XG: variants seen among roughly 807,000 people sequenced by gnomAD.
XG encodes the protein glycoprotein Xg.
XG carries 24 observed loss-of-function variants against 25.7 expected under a neutral mutation model. The ratio of observed to expected loss-of-function variants is 0.93; its 90% CI spans 0.68 to 1.31. XG has a LOEUF of 1.31. Among genes scored for constraint, XG ranks in the 40% most tolerant of loss-of-function variants. The pLI is 0.00. For synonymous variants in XG, 77 were observed against 69.2 expected, an observed-to-expected ratio of 1.11 and a Z score of -0.56; for missense variants, 181 against 187.6, an observed-to-expected ratio of 0.96 and a Z score of 0.21.
chrX:2,755,059 C>G (rs1395923856), intron 1 of XG, among the ~76,000 whole-genome samples: 1 of 152,170 alleles, frequency 6.6e-6, no homozygotes, highest in Non-Finnish European at 1.5e-5. Context: ...GAGCATCCCG[C>G]TCTATCCCAA....
At chrX:2,765,265 C>T (rs1267586184) in intron 1 of XG, among the ~76,000 whole-genome samples, 3 of 151,174 alleles carry the variant, frequency 2.0e-5, no homozygotes, top group South Asian at 2.1e-4. Context: ...GCGGGAGAAT[C>T]AATTGAACCT....
In XG at chrX:2,758,874, C is replaced by A. The variant is rs311115; in HGVS notation, c.61+6539C>A. On this transcript the variant is annotated intron_variant, in intron 1 of 10. Transcript: ENST00000644266. The stretch of plus-strand genomic sequence containing the variant: ...TATCTATCGTCTACCATTATCCATC[C>A]ACCTATCTGTCTCTATTATATACAC... Among the ~76,000 whole-genome samples, 534 of 152,246 alleles carry A rather than the reference C, an allele frequency of 3.5e-3. 1 individual carries two copies. The highest frequency in any genetic ancestry group is 5.1e-3 in the Non-Finnish European group (346 of 68,012).
intron 6 of XG, among the ~76,000 whole-genome samples, chrX:2,796,178 CATATGT>C (rs1194142871): frequency 2.9e-5 from 3 of 103,927 alleles, no homozygotes; most frequent in Admixed American, 1.1e-4. Flanking sequence ...TTTATATATG[CATATGT>C]ATATGTCTTT....
intron 1 of XG, among the ~76,000 whole-genome samples, chrX:2,767,094 C>T (rs114316318): frequency 0.06 from 9,153 of 151,850 alleles, 758 homozygotes; most frequent in African/African-American, 0.21. Flanking sequence ...CTGCACTTGG[C>T]GGTATTGTTT....
chrX:2,805,705 G>T (rs998584197), intron 7 of XG, among the ~76,000 whole-genome samples: 2 of 111,878 alleles, frequency 1.8e-5, no homozygotes, highest in Admixed American at 1.9e-4. Context: ...GTCCTCACAG[G>T]GTCGTCCCTC....
At chrX:2,803,404 G>A (rs1470394537) in intron 7 of XG, among the ~76,000 whole-genome samples, 1 of 111,671 alleles carries the variant, frequency 9.0e-6, no homozygotes, top group African/African-American at 3.3e-5. Flanking sequence ...AAACAGGGCC[G>A]ATTTATCAAG....
intron 3 of XG, among the ~76,000 whole-genome samples, chrX:2,778,775 C>CT (rs1177625639): frequency 1.5e-3 from 212 of 140,108 alleles, no homozygotes; most frequent in East Asian, 3.7e-3. Context: ...TCATGCGATA[C>CT]TTTTTTTTTT....
intron 10 of XG, among the ~76,000 whole-genome samples, chrX:2,812,135 C>G (rs1325838607): frequency 9.0e-6 from 1 of 111,515 alleles, no homozygotes; most frequent in Non-Finnish European, 1.9e-5. Flanking sequence ...GGAAAAATAC[C>G]TGGGTTGAAT....
intron 4 of XG, among the ~76,000 whole-genome samples, chrX:2,784,948 G>A (rs1163304660): frequency 2.7e-5 from 3 of 112,614 alleles, no homozygotes; most frequent in East Asian, 2.8e-4. Context: ...GGTTAAGGAC[G>A]TGCCCGTGAC....
intron 2 of XG, among the ~76,000 whole-genome samples, chrX:2,774,109 T>G (rs983387021): frequency 2.6e-5 from 4 of 152,062 alleles, no homozygotes; most frequent in African/African-American, 4.8e-5. Context: ...TTGGAAGAAG[T>G]CTGGCCATTG....
At chrX:2,812,790 C>T (rs771286295) in intron 10 of XG, among the ~76,000 whole-genome samples, 84 of 111,670 alleles carry the variant, frequency 7.5e-4, no homozygotes, top group African/African-American at 2.6e-3. Flanking sequence ...ACATGGCAGC[C>T]ATCATTAACG....
In XG at chrX:2,811,427, T is replaced by C; in HGVS notation, c.546T>C (p.Asn182=). 1 of 1,204,425 alleles carries C rather than the reference T, an allele frequency of 8.3e-7. No homozygotes were observed. The highest frequency in any genetic ancestry group is 1.1e-6 in the Non-Finnish European group (1 of 891,510). ...GAAASYFKLN[N]RRNCFRTHEP... ...CAGCCAGTTATTTCAAACTAAACAA[T>C]AGGAGAAATTGTTTCAGGACCCATG... is the stretch of plus-strand genomic sequence containing the variant. The change falls in exon 10 of 11, where the codon AAT becomes AAC. Residue 182 remains asparagine (N), a synonymous_variant. Transcript: ENST00000644266.
intron 1 of XG, among the ~76,000 whole-genome samples, chrX:2,768,878 G>A (rs2050755211): frequency 6.6e-6 from 1 of 152,202 alleles, no homozygotes; most frequent in Non-Finnish European, 1.5e-5. Flanking sequence ...GTGATCGCTG[G>A]TAACAGAGAA....
intron 3 of XG, among the ~76,000 whole-genome samples, chrX:2,775,218 A>G (rs759867102): frequency 1.3e-5 from 2 of 152,360 alleles, no homozygotes; most frequent in African/African-American, 4.8e-5. Flanking sequence ...AAAGATAGAA[A>G]TAACTCACAT....
chrX:2,768,364 C>T (rs749380917), intron 1 of XG, among the ~76,000 whole-genome samples: 3 of 152,250 alleles, frequency 2.0e-5, no homozygotes, highest in Non-Finnish European at 2.9e-5. Context: ...ACAGGTGTCT[C>T]GACTGGAACT....
chrX:2,804,510 C>T (rs954985989), intron 7 of XG, among the ~76,000 whole-genome samples: 7 of 111,508 alleles, frequency 6.3e-5, no homozygotes, highest in East Asian at 2.8e-4. Context: ...CCACCACATC[C>T]GGCCCACCTT....
intron 1 of XG, among the ~76,000 whole-genome samples, chrX:2,757,393 G>A (rs1339059214): frequency 3.3e-5 from 5 of 151,340 alleles, no homozygotes; most frequent in Non-Finnish European, 5.9e-5. Context: ...GCTTGAGGGC[G>A]GGGCCTTTGC....
At chrX:2,776,722 C>T (rs2051002342) in intron 3 of XG, among the ~76,000 whole-genome samples, 1 of 152,128 alleles carries the variant, frequency 6.6e-6, no homozygotes, top group East Asian at 1.9e-4. Context: ...GTGGCGGGCG[C>T]CTGTAGTCTC....
In XG at chrX:2,782,148, A is replaced by G. The variant is rs372509561; in HGVS notation, c.190+20A>G. On this transcript the variant is annotated intron_variant, in intron 4 of 10. Coordinates refer to ENST00000644266, the MANE Select transcript of XG (RefSeq NM_001141919.2). ...GTGGAAGTAAGAATCCGCAGGCCTG[A>G]AACTCTTTCTCAATCTGGTTTGATG... 72 of 1,206,354 alleles carry G rather than the reference A, an allele frequency of 6.0e-5. No homozygotes were observed. The African/African-American group carries it at 9.6e-4, about 16-fold the overall frequency.
Sources: gnomAD v4.1 joint callset for allele counts (sites outside exome capture counted in the v4.1 genomes callset) on GRCh38, gnomAD v4.1.1 for gene constraint, MANE v1.5 for transcripts, NCBI Gene and HGNC (gene_info 2026-07-23, HGNC 2026-07-21) for gene names.